CSMD1: variants seen among roughly 807,000 people sequenced by gnomAD.
The protein encoded by CSMD1 is CUB and sushi domain-containing protein 1.
Under a neutral mutation model 417.5 loss-of-function variants are expected in CSMD1, and 213 were observed. The observed-to-expected ratio is 0.51, with a 90% CI of 0.46 to 0.57. The LOEUF (loss-of-function observed/expected upper bound fraction) is 0.57. Among genes scored for constraint, CSMD1 ranks in the 20% least tolerant of loss-of-function variants. The pLI, the probability that CSMD1 is intolerant of heterozygous loss-of-function variation, is 0.00. For missense variants in CSMD1, 6,923 were observed against 4,529.7 expected (o/e 1.53, Z -15.17); for synonymous variants, 2,862 against 1,736.8 (o/e 1.65, Z -16.11).
At chr8:3,445,070 A>G (rs1243648024) in intron 12 of CSMD1, among the ~76,000 whole-genome samples, 2 of 152,224 alleles carry the variant, frequency 1.3e-5, no homozygotes, top group African/African-American at 4.8e-5. Context: ...CAAAATGTCT[A>G]CTATGGCAAA....
At position 4,312,376 on chromosome 8, in the gene CSMD1, A is replaced by AATAT. The variant is rs535230667; in HGVS notation, c.415+107573_415+107576dup. Among the ~76,000 whole-genome samples the AATAT allele has an allele frequency of 3.5e-3, 224 of 63,140 alleles. 30 individuals are homozygous for AATAT. The highest frequency in any genetic ancestry group is 0.013 in the African/African-American group (211 of 15,740). The allele number at this position is 63,140 out of a possible 152,430, so 41.4% of individuals were successfully genotyped here. On this transcript the variant is annotated intron_variant, in intron 3 of 69. Coordinates refer to ENST00000635120, the MANE Select transcript of CSMD1 (RefSeq NM_033225.6). ...TAAGCTAATTACTTTTAATGGAACAAATATATATATATATATACATACATA... is the reference window on the plus strand; with the variant it reads ...TAAGCTAATTACTTTTAATGGAACAAATATATATATATATATATATACATACATA...
At chr8:3,691,027 A>C (rs1177999194) in intron 7 of CSMD1, among the ~76,000 whole-genome samples, 2 of 152,062 alleles carry the variant, frequency 1.3e-5, no homozygotes, top group African/African-American at 2.4e-5. Flanking sequence ...CCTGGTACTA[A>C]AGTATCTTTT....
intron 5 of CSMD1, among the ~76,000 whole-genome samples, chr8:3,930,364 T>C (rs1563222853): frequency 6.6e-6 from 1 of 150,678 alleles, no homozygotes. Context: ...CAATGTATTT[T>C]ATGTTCTTAG....
chr8:3,742,897 G>A (rs1796884028), intron 6 of CSMD1, among the ~76,000 whole-genome samples: 1 of 152,230 alleles, frequency 6.6e-6, no homozygotes, highest in African/African-American at 2.4e-5. Flanking sequence ...GGATAACAGA[G>A]TATTTCCGTG....
At chr8:3,895,939 C>A (rs1353432357) in intron 5 of CSMD1, among the ~76,000 whole-genome samples, 1 of 152,200 alleles carries the variant, frequency 6.6e-6, no homozygotes, top group Non-Finnish European at 1.5e-5. Flanking sequence ...CCAATAGGCA[C>A]TTTAGGTCCC....
chr8:3,351,702 T>C (rs1455174271), intron 21 of CSMD1, among the ~76,000 whole-genome samples: 2 of 148,716 alleles, frequency 1.3e-5, no homozygotes, highest in East Asian at 1.9e-4. Flanking sequence ...ATACGAATAA[T>C]TGTATATAGA....
In CSMD1 at chr8:3,188,871, G is replaced by T. The variant is rs1398617084; in HGVS notation, c.5523+16C>A. On this transcript the variant is annotated intron_variant, in intron 35 of 69. Coordinates refer to ENST00000635120, the MANE Select transcript of CSMD1 (RefSeq NM_033225.6). Reference sequence around the variant, plus strand: ...CAGCTGAGCCCTGTTGTAGACTGTGGACTTCAAGGACTCACCTGAATTCCC... The same window carrying T: ...CAGCTGAGCCCTGTTGTAGACTGTGTACTTCAAGGACTCACCTGAATTCCC... The T allele has an allele frequency of 3.2e-6, 5 of 1,547,458 alleles. No homozygotes were observed.
chr8:4,122,558 T>TC (rs1310927790), intron 3 of CSMD1, among the ~76,000 whole-genome samples: 1 of 152,150 alleles, frequency 6.6e-6, no homozygotes, highest in Non-Finnish European at 1.5e-5. Flanking sequence ...CCCCGTGCTT[T>TC]CCCAATGTTT....
chr8:4,760,403 G>T (rs1033632551), intron 1 of CSMD1, among the ~76,000 whole-genome samples: 9 of 152,142 alleles, frequency 5.9e-5, no homozygotes, highest in African/African-American at 2.2e-4. Flanking sequence ...ATTCTCAGCT[G>T]ACTTTATGAT....
chr8:4,442,081 G>C (rs1360975823), intron 2 of CSMD1, among the ~76,000 whole-genome samples: 1 of 152,112 alleles, frequency 6.6e-6, no homozygotes, highest in East Asian at 1.9e-4. Context: ...CAGAGTTTGA[G>C]TTGTAGAAAC....
At chr8:3,477,135 G>C (rs35846215) in intron 11 of CSMD1, among the ~76,000 whole-genome samples, 2 of 151,950 alleles carry the variant, frequency 1.3e-5, no homozygotes, top group Non-Finnish European at 2.9e-5. Flanking sequence ...AATTTGTTCA[G>C]ACCTGAAGAA....
At chr8:4,976,847 G>C (rs982290647) in intron 1 of CSMD1, among the ~76,000 whole-genome samples, 2 of 151,918 alleles carry the variant, frequency 1.3e-5, no homozygotes, top group Non-Finnish European at 1.5e-5. Flanking sequence ...TGCCACTTTG[G>C]GGCAACTGTG....
At chr8:3,570,895 C>G (rs975262520) in intron 10 of CSMD1, among the ~76,000 whole-genome samples, 6 of 152,124 alleles carry the variant, frequency 3.9e-5, no homozygotes, top group African/African-American at 1.4e-4. Flanking sequence ...CTCTAAGCTT[C>G]TTTTTAGATA....
In CSMD1 at chr8:3,375,548, T is replaced by C. The variant is rs944228906; in HGVS notation, c.2783-6178A>G. Among the ~76,000 whole-genome samples the C allele has an allele frequency of 3.3e-5, 5 of 152,140 alleles. No individual in the cohort carries two copies. In the East Asian group the frequency reaches 9.6e-4, roughly 29 times the overall value. On this transcript the variant is annotated intron_variant, in intron 18 of 69. Transcript: ENST00000635120. Reference sequence around the variant, plus strand: ...GATTTTATTCATATATTTATATGAATACATTATATATATTTTTATGAATAA... The same window carrying C: ...GATTTTATTCATATATTTATATGAACACATTATATATATTTTTATGAATAA...
chr8:4,097,978 T>A (rs966023361), intron 3 of CSMD1, among the ~76,000 whole-genome samples: 5 of 152,192 alleles, frequency 3.3e-5, no homozygotes, highest in Non-Finnish European at 5.9e-5. Context: ...TTTTAGAATC[T>A]GTGGATCAGA....
chr8:3,509,463 G>C (rs1398949991), intron 10 of CSMD1, among the ~76,000 whole-genome samples: 1 of 152,172 alleles, frequency 6.6e-6, no homozygotes, highest in Non-Finnish European at 1.5e-5. Flanking sequence ...AAGGAGTCTT[G>C]CACAAGTCGT....
intron 51 of CSMD1, among the ~76,000 whole-genome samples, chr8:3,027,967 C>G (rs910964296): frequency 8.5e-5 from 13 of 152,302 alleles, no homozygotes; most frequent in African/African-American, 3.1e-4. Flanking sequence ...TTCGGGAACG[C>G]TGAGTTGTGA....
chr8:3,094,911 C>A (rs1432533401), intron 47 of CSMD1, among the ~76,000 whole-genome samples: 1 of 151,854 alleles, frequency 6.6e-6, no homozygotes, highest in African/African-American at 2.4e-5. Flanking sequence ...AAAACTCTGA[C>A]CTTTCACTTT....
At chr8:4,194,318 G>C (rs891343546) in intron 3 of CSMD1, among the ~76,000 whole-genome samples, 8 of 152,052 alleles carry the variant, frequency 5.3e-5, no homozygotes, top group African/African-American at 1.7e-4. Flanking sequence ...CTATAGGATG[G>C]GATTTAGAAG....
Sources: allele counts gnomAD v4.1 joint callset (sites outside exome capture counted in the v4.1 genomes callset), GRCh38; gene constraint gnomAD v4.1.1; transcripts MANE v1.5; gene names NCBI Gene and HGNC (gene_info 2026-07-23, HGNC 2026-07-21).